Variants in RIT2 observed in about 807,000 individuals in gnomAD.
RIT2 encodes GTP-binding protein Rit2.
Under a neutral mutation model 23.7 loss-of-function variants are expected in RIT2, and 24 were observed. The ratio of observed to expected loss-of-function variants is 1.01; its 90% CI spans 0.73 to 1.43. The LOEUF (loss-of-function observed/expected upper bound fraction) is 1.43, where lower values mean the gene tolerates loss of function less well. Ranked by LOEUF, RIT2 falls within the 40% of genes most tolerant of loss-of-function variation. The pLI, the probability that RIT2 is intolerant of heterozygous loss-of-function variation, is 0.00. For synonymous variants in RIT2, 107 were observed against 91.1 expected (o/e 1.17, Z -0.99); for missense variants, 236 against 266.9 (o/e 0.88, Z 0.81).
At chr18:42,821,165 T>C (rs1227055229) in intron 4 of RIT2, among the ~76,000 whole-genome samples, 7 of 152,142 alleles carry the variant, frequency 4.6e-5, no homozygotes, top group African/African-American at 7.2e-5. Context: ...CAGTCTCAGA[T>C]ATTCTTTTAT....
At chr18:42,972,442 C>T (rs955840732) in intron 3 of RIT2, among the ~76,000 whole-genome samples, 4 of 151,546 alleles carry the variant, frequency 2.6e-5, no homozygotes, top group African/African-American at 9.7e-5. Context: ...TTTTTAAAAA[C>T]AGTAACATAG....
intron 4 of RIT2, among the ~76,000 whole-genome samples, chr18:42,884,239 T>C (rs1568020888): frequency 6.6e-6 from 1 of 152,318 alleles, no homozygotes; most frequent in Middle Eastern, 3.4e-3. Flanking sequence ...CTAAGGTTGC[T>C]TGTCCCCTAC....
At chr18:43,075,202 A>G (rs1413066021) in intron 1 of RIT2, among the ~76,000 whole-genome samples, 1 of 152,196 alleles carries the variant, frequency 6.6e-6, no homozygotes, top group Non-Finnish European at 1.5e-5. Context: ...AAGAATACTC[A>G]TATTCCCTGC....
At chr18:43,046,591 G>A (rs1370127609) in intron 1 of RIT2, among the ~76,000 whole-genome samples, 1 of 152,148 alleles carries the variant, frequency 6.6e-6, no homozygotes, top group Non-Finnish European at 1.5e-5. Flanking sequence ...AGACAACACA[G>A]GGTCTTCCAC....
intron 4 of RIT2, among the ~76,000 whole-genome samples, chr18:42,834,470 T>C (rs1374568148): frequency 6.6e-6 from 1 of 152,106 alleles, no homozygotes; most frequent in Non-Finnish European, 1.5e-5. Context: ...TGACTAGATA[T>C]TTGAAACTCC....
intron 4 of RIT2, among the ~76,000 whole-genome samples, chr18:42,898,923 G>A (rs1020770322): frequency 2.0e-5 from 3 of 152,036 alleles, no homozygotes; most frequent in Non-Finnish European, 4.4e-5. Context: ...CCCCTCATTG[G>A]AGCACAAAAT....
At position 43,073,525 on chromosome 18, in the gene RIT2, C is replaced by T. The variant is rs957801720; in HGVS notation, c.104-39658G>A. 4.9e-4 allele frequency among the ~76,000 whole-genome samples: 75 copies of T among 152,294 alleles called. 1 individual carries two copies. The highest frequency in any genetic ancestry group is 8.8e-5 in the Non-Finnish European group (6 of 68,014). On this transcript the variant is annotated intron_variant, in intron 1 of 4. Coordinates refer to ENST00000326695, the MANE Select transcript of RIT2 (RefSeq NM_002930.4). ...TAAATTATTACTGATCTCCACTATG[C>T]ACTGTCTTCATATAACTAAGGCCCT... is the stretch of plus-strand genomic sequence containing the variant.
chr18:43,068,340 G>A (rs1356587906), intron 1 of RIT2, among the ~76,000 whole-genome samples: 1 of 152,142 alleles, frequency 6.6e-6, no homozygotes, highest in African/African-American at 2.4e-5. Flanking sequence ...TGGGAAAGCT[G>A]ACTTCAGGGG....
At chr18:43,044,304 A>G (rs768746341) in intron 1 of RIT2, among the ~76,000 whole-genome samples, 2 of 152,126 alleles carry the variant, frequency 1.3e-5, no homozygotes, top group Non-Finnish European at 2.9e-5. Context: ...TTTCTAATTA[A>G]TGCATTTCTA....
At chr18:43,029,512 TAA>T (rs1911805767) in intron 2 of RIT2, among the ~76,000 whole-genome samples, 3 of 152,024 alleles carry the variant, frequency 2.0e-5, no homozygotes, top group Admixed American at 6.6e-5. Flanking sequence ...TTTTTGTAAC[TAA>T]ATTGTGTTCT....
intron 1 of RIT2, among the ~76,000 whole-genome samples, chr18:43,037,787 T>C (rs1256114719): frequency 6.6e-6 from 1 of 152,182 alleles, no homozygotes; most frequent in Admixed American, 6.6e-5. Flanking sequence ...ACAACTTGGC[T>C]GGATATAAAA....
chr18:42,998,881 C>A, intron 2 of RIT2, among the ~76,000 whole-genome samples: 1 of 151,990 alleles, frequency 6.6e-6, no homozygotes, highest in East Asian at 1.9e-4. Context: ...GTTTATAGGA[C>A]ATTTACAAGG....
At chr18:42,892,118 CAGTGTTACA>C (rs1186770225) in intron 4 of RIT2, among the ~76,000 whole-genome samples, 2 of 152,146 alleles carry the variant, frequency 1.3e-5, no homozygotes, top group Non-Finnish European at 2.9e-5. Context: ...AGGCCCAGGT[CAGTGTTACA>C]TTCTGCCAAG....
chr18:43,023,674 C>T (rs970937765), intron 2 of RIT2, among the ~76,000 whole-genome samples: 1 of 152,052 alleles, frequency 6.6e-6, no homozygotes, highest in South Asian at 2.1e-4. Flanking sequence ...TGATTCTCTG[C>T]TATAAACCAC....
At chr18:42,767,478 T>C (rs1913452091) in intron 4 of RIT2, among the ~76,000 whole-genome samples, 1 of 152,258 alleles carries the variant, frequency 6.6e-6, no homozygotes, top group African/African-American at 2.4e-5. Context: ...ACCCCTATTG[T>C]ATCTAAGATG....
intron 4 of RIT2, among the ~76,000 whole-genome samples, chr18:42,812,608 A>T (rs925221677): frequency 1.3e-5 from 2 of 152,114 alleles, no homozygotes; most frequent in Non-Finnish European, 2.9e-5. Context: ...CAGAATGCAT[A>T]TCTTTATTTT....
At chr18:43,047,956 A>G (rs1912287690) in intron 1 of RIT2, among the ~76,000 whole-genome samples, 1 of 152,144 alleles carries the variant, frequency 6.6e-6, no homozygotes, top group Non-Finnish European at 1.5e-5. Flanking sequence ...TTGGAAGCTG[A>G]GAGCAAAAGT....
intron 4 of RIT2, among the ~76,000 whole-genome samples, chr18:42,845,366 G>A (rs1568011042): frequency 1.3e-5 from 2 of 150,656 alleles, no homozygotes; most frequent in Non-Finnish European, 3.0e-5. Context: ...ATAGATTTGA[G>A]GAAAAAATAT....
intron 4 of RIT2, among the ~76,000 whole-genome samples, chr18:42,758,371 C>A (rs2143895231): frequency 6.6e-6 from 1 of 152,278 alleles, no homozygotes; most frequent in East Asian, 1.9e-4. Context: ...ACTGTCAAAT[C>A]CAATAGATGT....
Sources: allele counts gnomAD v4.1 joint callset (sites outside exome capture counted in the v4.1 genomes callset), GRCh38; gene constraint gnomAD v4.1.1; transcripts MANE v1.5; gene names NCBI Gene and HGNC (gene_info 2026-07-23, HGNC 2026-07-21).